Variants in PSPH observed in about 807,000 individuals in gnomAD.
PSPH encodes L-3-phosphoserine phosphatase.
Under a neutral mutation model 23.4 loss-of-function variants are expected in PSPH, and 16 were observed. The ratio of observed to expected loss-of-function variants is 0.68; its 90% confidence interval spans 0.46 to 1.04. PSPH has a LOEUF of 1.04. Among genes scored for constraint, PSPH ranks in the 50% least tolerant of loss-of-function variants. PSPH has a pLI of 0.00. For synonymous variants in PSPH, 68 were observed against 99.7 expected (o/e 0.68, Z 1.89); for missense variants, 223 against 273.7 (o/e 0.81, Z 1.31).
At chr7:56,042,418 A>G (rs1584501313) in intron 1 of PSPH, among the ~76,000 whole-genome samples, 1 of 152,080 alleles carries the variant, frequency 6.6e-6, no homozygotes, top group East Asian at 1.9e-4. Flanking sequence ...TGGGAGGCCA[A>G]AGCAGAAGGA....
chr7:56,045,491 A>T (rs1793104048), intron 1 of PSPH, among the ~76,000 whole-genome samples: 1 of 152,068 alleles, frequency 6.6e-6, no homozygotes, highest in Non-Finnish European at 1.5e-5. Context: ...AAAAATTAAT[A>T]GAAAATTACC....
chr7:56,027,472 T>TCCCAGCACTTTGGGAGGCCAAGGCAGG (rs1790365463), intron 3 of PSPH, among the ~76,000 whole-genome samples: 1 of 151,994 alleles, frequency 6.6e-6, no homozygotes, highest in Non-Finnish European at 1.5e-5. Context: ...ACGCCTGTAA[T>TCCCAGCACTTTGGGAGGCCAAGGCAGG]CCCAGCACTT....
intron 3 of PSPH, among the ~76,000 whole-genome samples, chr7:56,031,321 C>T (rs186207526): frequency 8.5e-5 from 13 of 152,174 alleles, no homozygotes; most frequent in Non-Finnish European, 1.3e-4. Context: ...CTGGGTACTG[C>T]GCTCAAACCC....
chr7:56,030,950 G>A (rs1365120424), intron 3 of PSPH, among the ~76,000 whole-genome samples: 12 of 150,454 alleles, frequency 8.0e-5, no homozygotes, highest in South Asian at 4.2e-4. Flanking sequence ...GGTGGCTCAC[G>A]CCTGTAATCC....
intron 3 of PSPH, among the ~76,000 whole-genome samples, chr7:56,029,943 C>T (rs939986078): frequency 7.3e-6 from 1 of 136,548 alleles, no homozygotes; most frequent in South Asian, 2.3e-4. Flanking sequence ...TGCCACACTG[C>T]AGTCTAGCCT....
chr7:56,034,994 C>T (rs1562817143), intron 1 of PSPH, among the ~76,000 whole-genome samples: 1 of 152,106 alleles, frequency 6.6e-6, no homozygotes, highest in Non-Finnish European at 1.5e-5. Flanking sequence ...TCCTTGGCCT[C>T]CCAAAGTGTT....
intron 7 of PSPH, among the ~76,000 whole-genome samples, chr7:56,013,952 ACT>A (rs1788264894): frequency 6.6e-6 from 1 of 151,816 alleles, no homozygotes; most frequent in South Asian, 2.1e-4. Flanking sequence ...ATATAGCATA[ACT>A]CTGCCTCTAC....
At chr7:56,026,167 T>C (rs1790155851) in intron 3 of PSPH, among the ~76,000 whole-genome samples, 1 of 152,150 alleles carries the variant, frequency 6.6e-6, no homozygotes, top group African/African-American at 2.4e-5. Context: ...GAGTTGAACC[T>C]AAGCAGTTAT....
intron 1 of PSPH, among the ~76,000 whole-genome samples, chr7:56,044,495 T>A (rs1792970023): frequency 6.6e-6 from 1 of 152,162 alleles, no homozygotes; most frequent in South Asian, 2.1e-4. Context: ...AGGGTGAGTT[T>A]TTGCAGGCTG....
chr7:56,014,703 G>T (rs1314045892), intron 7 of PSPH, among the ~76,000 whole-genome samples: 3 of 152,114 alleles, frequency 2.0e-5, no homozygotes, highest in African/African-American at 7.2e-5. Context: ...CAGCACTTTG[G>T]GAGGCTGAAG....
rs146008713 is a variant in PSPH at position 56,011,816 on chromosome 7, G to A, written c.624C>T (p.Asn208=). ...CAAAATCAGTGATATACCATTTGGC[G>A]TTATCCTTGACTTGTTGCCTGATCA... ...GNVIRQQVKD[N]AKWYITDFVE... Residue 208 remains asparagine, a synonymous_variant, in exon 8 of 8, where the codon AAC becomes AAT. Transcript: ENST00000275605. 2.0e-4 allele frequency: 315 copies of A among 1,613,514 alleles called. No homozygotes were observed. Among genetic ancestry groups the A allele is most frequent in the South Asian group, 3.7e-4 (34 of 91,050 alleles).
chr7:56,044,362 C>T (rs757053869), intron 1 of PSPH, among the ~76,000 whole-genome samples: 18 of 152,058 alleles, frequency 1.2e-4, no homozygotes, highest in Non-Finnish European at 1.9e-4. Flanking sequence ...CATTGCAAAA[C>T]TAAGACTAAA....
chr7:56,039,405 GT>G (rs2117059786), intron 1 of PSPH, among the ~76,000 whole-genome samples: 1 of 152,180 alleles, frequency 6.6e-6, no homozygotes, highest in Admixed American at 6.6e-5. Flanking sequence ...AGGATGGTAG[GT>G]ATACGGATGC....
intron 1 of PSPH, among the ~76,000 whole-genome samples, chr7:56,047,302 A>G (rs773668769): frequency 1.1e-4 from 16 of 151,856 alleles, no homozygotes; most frequent in Admixed American, 3.3e-4. Context: ...TGAGATAGGA[A>G]GCTGAGCCCA....
chr7:56,013,192 C>CACACACACACAT (rs1054564693), intron 7 of PSPH, among the ~76,000 whole-genome samples: 7 of 137,894 alleles, frequency 5.1e-5, no homozygotes, highest in Admixed American at 2.2e-4. Context: ...CACACACACA[C>CACACACACACAT]ATATATATAG....
At chr7:56,048,085 C>A (rs1376864782) in intron 1 of PSPH, among the ~76,000 whole-genome samples, 2 of 152,046 alleles carry the variant, frequency 1.3e-5, no homozygotes, top group Non-Finnish European at 2.9e-5. Flanking sequence ...TCAAAACCAG[C>A]CTGGCTAACA....
At chr7:56,013,006 T>TTATATATATACACACATATAGTATATATG (rs1788080677) in intron 7 of PSPH, among the ~76,000 whole-genome samples, 2 of 136,436 alleles carry the variant, frequency 1.5e-5, no homozygotes, top group Non-Finnish European at 3.2e-5. Flanking sequence ...TAGCATTTGA[T>TTATATATATACACACATATAGTATATATG]TATATATATA....
intron 5 of PSPH, among the ~76,000 whole-genome samples, chr7:56,019,332 G>A (rs1322172518): frequency 6.7e-6 from 1 of 150,152 alleles, no homozygotes; most frequent in Non-Finnish European, 1.5e-5. Flanking sequence ...CCATCTACTC[G>A]GGAGGCTGAG....
At chr7:56,026,350 C>T (rs1287280158) in intron 3 of PSPH, among the ~76,000 whole-genome samples, 1 of 150,758 alleles carries the variant, frequency 6.6e-6, no homozygotes, top group Non-Finnish European at 1.5e-5. Flanking sequence ...GTGGCAGGCA[C>T]CTGTAATCCC....
Sources: gnomAD v4.1 joint callset for allele counts (sites outside exome capture counted in the v4.1 genomes callset) on GRCh38, gnomAD v4.1.1 for gene constraint, MANE v1.5 for transcripts, NCBI Gene and HGNC (gene_info 2026-07-23, HGNC 2026-07-21) for gene names.